Variants in KCNQ1 observed in about 807,000 individuals in gnomAD.
The protein encoded by KCNQ1 is potassium voltage-gated channel subfamily KQT member 1.
In KCNQ1, 49 loss-of-function variants were observed where a neutral mutation model predicts 72.4. That is an observed-to-expected ratio of 0.68 (90% confidence interval 0.54 to 0.86). The LOEUF is 0.86. KCNQ1 is among the 40% of genes least tolerant of loss of function. The probability of loss-of-function intolerance (pLI) is 0.00; values close to 1 mark genes in which losing one functional copy is unlikely to be tolerated. For missense variants in KCNQ1, 790 were observed against 945.1 expected, an observed-to-expected ratio of 0.84 and a Z score of 2.15; for synonymous variants, 450 against 412.6, an observed-to-expected ratio of 1.09 and a Z score of -1.10.
At chr11:2,685,078 T>C in intron 11 of KCNQ1, 2 of 398,642 alleles carry the variant, frequency 5.0e-6, no homozygotes, top group Non-Finnish European at 8.8e-6. Context: ...CTGTGAGAAT[T>C]ACAGATTCCA....
chr11:2,833,363 C>T (rs1000366030), intron 15 of KCNQ1, among the ~76,000 whole-genome samples: 3 of 152,210 alleles, frequency 2.0e-5, no homozygotes, highest in Non-Finnish European at 4.4e-5. Flanking sequence ...ACATGCCCCA[C>T]CCCTCTCCAA....
chr11:2,832,757 TG>T (rs1847979048), intron 15 of KCNQ1, among the ~76,000 whole-genome samples: 1 of 152,172 alleles, frequency 6.6e-6, no homozygotes, highest in Admixed American at 6.5e-5. Flanking sequence ...AAGGCAAGGC[TG>T]GGGCTGATGC....
In KCNQ1 at chr11:2,812,379, G is replaced by A. The variant is rs752656011; in HGVS notation, c.1794+34342G>A. Among the ~76,000 whole-genome samples, 46 of 151,704 alleles carry A rather than the reference G, an allele frequency of 3.0e-4. 1 individual carries two copies. Among genetic ancestry groups the A allele is most frequent in the Non-Finnish European group, 6.3e-4 (43 of 67,966 alleles). ...GACCTGGGACGCCGAGGAGGGTTCC[G>A]TTCCCTCCCCCACCCTGGCAGTGCT... On this transcript the variant is annotated intron_variant, in intron 15 of 15. Transcript: ENST00000155840.
rs1167106341 is a variant in KCNQ1 at position 2,769,786 on chromosome 11, C to A, written c.1590+867C>A. Among the ~76,000 whole-genome samples, 1 of 152,020 alleles carries A rather than the reference C, an allele frequency of 6.6e-6. No homozygotes were observed. The highest frequency in any genetic ancestry group is 2.1e-4 in the South Asian group (1 of 4,822). ...GGCGTGTGACGTGCTTGAGTGAGTGCGTGTCTGCAGGAGCAGGGCAGGGTG... is the reference window on the plus strand; with the variant it reads ...GGCGTGTGACGTGCTTGAGTGAGTGAGTGTCTGCAGGAGCAGGGCAGGGTG... On this transcript the variant is annotated intron_variant, in intron 12 of 15. Transcript: ENST00000155840. The surrounding 1 kb of genome is among the most constrained non-coding windows in gnomAD (Gnocchi z 4.6).
In KCNQ1 at chr11:2,468,290, A is replaced by T. The variant is rs1846384240; in HGVS notation, c.386+22806A>T. ...GCCTCCTGAGTAGCTGGGACTACAG[A>T]TGCACACCACCACGCCTGGCTAATT... On this transcript the variant is annotated intron_variant, in intron 1 of 15. Transcript: ENST00000155840. The surrounding 1 kb of genome is among the most constrained non-coding windows in gnomAD (Gnocchi z 5.7). Among the ~76,000 whole-genome samples the T allele has an allele frequency of 6.6e-6, 1 of 151,958 alleles. No individual in the cohort carries two copies. Among genetic ancestry groups the T allele is most frequent in the Non-Finnish European group, 1.5e-5 (1 of 67,970 alleles).
intron 10 of KCNQ1, chr11:2,632,497 T>C: frequency 2.5e-6 from 1 of 398,440 alleles, no homozygotes; most frequent in Non-Finnish European, 4.4e-6. Context: ...TTGTGGGTTT[T>C]TCTTCTAGGA....
Position 2,460,268 on chromosome 11 carries a change from C to A in KCNQ1, c.386+14784C>A, listed in dbSNP as rs151257691. ...GCCGGGCAGGGTGGCTGCAGGGCGGCGGAGCCTGTGCTGCTGGCCTGCATT... is the reference window on the plus strand; with the variant it reads ...GCCGGGCAGGGTGGCTGCAGGGCGGAGGAGCCTGTGCTGCTGGCCTGCATT... On this transcript the variant is annotated intron_variant, in intron 1 of 15. Transcript: ENST00000155840. Among the ~76,000 whole-genome samples, 4 of 152,342 alleles carry A rather than the reference C, an allele frequency of 2.6e-5. No homozygotes were observed. In the South Asian group the frequency reaches 8.3e-4, roughly 32 times the overall value.
intron 1 of KCNQ1, among the ~76,000 whole-genome samples, chr11:2,467,617 C>T (rs928953996): frequency 6.6e-6 from 1 of 152,120 alleles, no homozygotes; most frequent in Admixed American, 6.5e-5. Flanking sequence ...TTGGCAAAGG[C>T]GTTGGGGTGC....
rs1227449989 is a variant in KCNQ1 at position 2,704,149 on chromosome 11, G to A, written c.1514+42068G>A. The stretch of plus-strand genomic sequence containing the variant: ...CACACCCACCACTGCAGCTGTCCTG[G>A]GTAAGGGCTCTGTGATCCTGCAACG... On this transcript the variant is annotated intron_variant, in intron 11 of 15. Coordinates refer to ENST00000155840, the MANE Select transcript of KCNQ1 (RefSeq NM_000218.3). The surrounding 1 kb of genome is among the most constrained non-coding windows in gnomAD (Gnocchi z 4.3). Among the ~76,000 whole-genome samples the A allele has an allele frequency of 6.6e-6, 1 of 152,222 alleles. No individual in the cohort carries two copies. Among genetic ancestry groups the A allele is most frequent in the Admixed American group, 6.5e-5 (1 of 15,284 alleles).
rs61624402 is a variant in KCNQ1 at position 2,767,186 on chromosome 11, A to T, written c.1515-1658A>T. On this transcript the variant is annotated intron_variant, in intron 11 of 15. Coordinates refer to ENST00000155840, the MANE Select transcript of KCNQ1 (RefSeq NM_000218.3). The surrounding 1 kb of genome is among the most constrained non-coding windows in gnomAD (Gnocchi z 4.6). ...CATCTATATGTGTGTGTGTGTGTGT[A>T]TTTTTTTTTTTCTTTGCTTAGCTAG... Among the ~76,000 whole-genome samples the T allele has an allele frequency of 1.4e-5, 2 of 147,522 alleles. No individual in the cohort carries two copies. The highest frequency in any genetic ancestry group is 5.0e-5 in the African/African-American group (2 of 40,166).
chr11:2,628,301 A>T (rs571300481), intron 10 of KCNQ1: 6 of 398,540 alleles, frequency 1.5e-5, no homozygotes, highest in African/African-American at 1.2e-4. Flanking sequence ...AACACTTGCT[A>T]TCTTTTGACT....
rs1393026387 is a variant in KCNQ1 at position 2,781,443 on chromosome 11, G to A, written c.1794+3406G>A. 6.6e-6 allele frequency among the ~76,000 whole-genome samples: 1 copy of A among 152,172 alleles called. No homozygotes were observed. The highest frequency in any genetic ancestry group is 1.5e-5 in the Non-Finnish European group (1 of 68,022). ...GCAGGCTGGGGGCACCAGCAGCAGG[G>A]CCCAGGGCCTTCAGTGTGGGCCAGG... On this transcript the variant is annotated intron_variant, in intron 15 of 15. Coordinates refer to ENST00000155840, the MANE Select transcript of KCNQ1 (RefSeq NM_000218.3). The surrounding 1 kb of genome is among the most constrained non-coding windows in gnomAD (Gnocchi z 6.6).
At chr11:2,628,821 T>G (rs868093873) in intron 10 of KCNQ1, 22 of 398,362 alleles carry the variant, frequency 5.5e-5, no homozygotes, top group Middle Eastern at 6.3e-4. Flanking sequence ...CCAATTTAAT[T>G]TTTTTGCATG....
At chr11:2,693,612 A>G in intron 11 of KCNQ1, 1 of 398,648 alleles carries the variant, frequency 2.5e-6, no homozygotes, top group East Asian at 3.6e-5. Context: ...ATTGCAAACA[A>G]GAGCTTCGCC....
intron 15 of KCNQ1, among the ~76,000 whole-genome samples, chr11:2,836,082 T>G (rs913345625): frequency 3.4e-4 from 50 of 148,000 alleles, no homozygotes; most frequent in Middle Eastern, 3.6e-3. Context: ...GTGGCGGGGG[T>G]GGGGGTCAGG....
rs1220064284 is a variant in KCNQ1 at position 2,613,222 on chromosome 11, G to A, written c.1393+24368G>A. On this transcript the variant is annotated intron_variant, in intron 10 of 15. Transcript: ENST00000155840. This position sits in a 1 kb window ranked among gnomAD's most constrained non-coding sequence, Gnocchi z 4.8. Reference sequence around the variant, plus strand: ...TGTATTTTACTGTCTGCTTGCAAAAGGTCTCACAGTCAGCCAAGGATAAGT... The same window carrying A: ...TGTATTTTACTGTCTGCTTGCAAAAAGTCTCACAGTCAGCCAAGGATAAGT... 9 of 398,346 alleles carry A rather than the reference G, an allele frequency of 2.3e-5. No homozygotes were observed. Among genetic ancestry groups the A allele is most frequent in the Non-Finnish European group, 3.5e-5 (8 of 226,060 alleles). 24.7% of individuals were successfully genotyped at this position (398,346 alleles called of 1,614,324 possible). A position where few individuals can be genotyped will look rare whatever the true frequency, so the allele number is the denominator to read the frequency against.
intron 6 of KCNQ1, among the ~76,000 whole-genome samples, chr11:2,574,404 G>A (rs371686652): frequency 2.6e-5 from 4 of 152,094 alleles, no homozygotes; most frequent in South Asian, 2.1e-4. Context: ...GGGGGCTGGG[G>A]AGGAGGCCGT....
rs1846320677 is a variant in KCNQ1 at position 2,464,273 on chromosome 11, T to C, written c.386+18789T>C. On this transcript the variant is annotated intron_variant, in intron 1 of 15. Transcript: ENST00000155840. The surrounding 1 kb of genome is among the most constrained non-coding windows in gnomAD (Gnocchi z 5.0). ...CCTTCGTCGTGGTCACCCCTGGGTG[T>C]GGGCTGTGGGTTTTAATCTTTTCAT... Among the ~76,000 whole-genome samples the C allele has an allele frequency of 6.6e-6, 1 of 152,158 alleles. No individual in the cohort carries two copies.
chr11:2,514,085 C>A (rs1847250481), intron 1 of KCNQ1, among the ~76,000 whole-genome samples: 1 of 152,200 alleles, frequency 6.6e-6, no homozygotes, highest in African/African-American at 2.4e-5. Flanking sequence ...CTTCCCCAAC[C>A]TGAGCTGCCC....
Sources: allele counts gnomAD v4.1 joint callset (sites outside exome capture counted in the v4.1 genomes callset), GRCh38; gene constraint gnomAD v4.1.1; non-coding constraint Gnocchi (gnomAD v3.1); transcripts MANE v1.5; gene names NCBI Gene and HGNC (gene_info 2026-07-23, HGNC 2026-07-21).